Variants in KIF26B observed in about 807,000 individuals in gnomAD.
KIF26B encodes kinesin-like protein KIF26B.
KIF26B carries 63 observed loss-of-function variants against 151.2 expected under a neutral mutation model. The ratio of observed to expected loss-of-function variants is 0.42; its 90% CI spans 0.34 to 0.51. The LOEUF (loss-of-function observed/expected upper bound fraction) is 0.51, where lower values mean the gene tolerates loss of function less well. Ranked by LOEUF, KIF26B falls within the 20% of genes least tolerant of loss-of-function variation. The probability of loss-of-function intolerance (pLI) is 0.07; values close to 1 mark genes in which losing one functional copy is unlikely to be tolerated. For missense variants in KIF26B, 2,813 were observed against 2,913.6 expected (o/e 0.97, Z 0.79); for synonymous variants, 1,357 against 1,262.1 (o/e 1.08, Z -1.59).
intron 10 of KIF26B, among the ~76,000 whole-genome samples, chr1:245,674,700 C>T (rs1337528562): frequency 6.6e-6 from 1 of 152,172 alleles, no homozygotes; most frequent in Non-Finnish European, 1.5e-5. Flanking sequence ...GGATTTTCTC[C>T]TTTCTGACCT....
At chr1:245,314,630 C>T (rs1018914494) in intron 2 of KIF26B, among the ~76,000 whole-genome samples, 2 of 152,104 alleles carry the variant, frequency 1.3e-5, no homozygotes, top group African/African-American at 4.8e-5. Context: ...CTGGCTCACC[C>T]TCACCTCTGT....
At chr1:245,403,537 G>A (rs1674057779) in intron 3 of KIF26B, among the ~76,000 whole-genome samples, 1 of 152,120 alleles carries the variant, frequency 6.6e-6, no homozygotes, top group East Asian at 1.9e-4. Context: ...GAGCAGTTCT[G>A]GGGTGTGTGT....
intron 2 of KIF26B, among the ~76,000 whole-genome samples, chr1:245,338,984 G>GGTTTT (rs1553348303): frequency 1.4e-5 from 2 of 140,960 alleles, no homozygotes; most frequent in Non-Finnish European, 1.6e-5. Context: ...TGCTTTTAGG[G>GGTTTT]TTTTTTTTTT....
chr1:245,452,614 A>T (rs181820610), intron 4 of KIF26B, among the ~76,000 whole-genome samples: 321 of 152,034 alleles, frequency 2.1e-3, no homozygotes, highest in African/African-American at 6.5e-3. Context: ...CCTTTTTTTT[A>T]AAAAAAGAAA....
chr1:245,272,996 T>C (rs762028060), intron 2 of KIF26B, among the ~76,000 whole-genome samples: 6 of 152,206 alleles, frequency 3.9e-5, no homozygotes, highest in African/African-American at 7.2e-5. Flanking sequence ...ATTCTGCTGC[T>C]TTTGGGTGAA....
chr1:245,388,494 T>TA (rs1279561324), intron 3 of KIF26B, among the ~76,000 whole-genome samples: 2 of 152,230 alleles, frequency 1.3e-5, no homozygotes, highest in Non-Finnish European at 2.9e-5. Flanking sequence ...TGTTAGCATT[T>TA]AAAACTGCCA....
At chr1:245,186,218 C>T (rs1265652626) in intron 2 of KIF26B, among the ~76,000 whole-genome samples, 1 of 151,836 alleles carries the variant, frequency 6.6e-6, no homozygotes, top group Non-Finnish European at 1.5e-5. Flanking sequence ...CGCTAATTTT[C>T]CAAATAACAG....
chr1:245,197,588 G>T lies in KIF26B; in HGVS notation c.465+40905G>T, dbSNP rs56161836. 7.2e-5 allele frequency among the ~76,000 whole-genome samples: 11 copies of T among 152,152 alleles called. No homozygotes were observed. In the South Asian group the frequency reaches 2.3e-3, roughly 32 times the overall value. ...TCATTAGGAAGATTTGAGAAGCAGG[G>T]TCAAGCAATGGAGAAAAGGTATATA... On this transcript the variant is annotated intron_variant, in intron 2 of 14. Coordinates refer to ENST00000407071, the MANE Select transcript of KIF26B (RefSeq NM_018012.4).
At chr1:245,473,282 T>G (rs1659953221) in intron 4 of KIF26B, among the ~76,000 whole-genome samples, 1 of 152,230 alleles carries the variant, frequency 6.6e-6, no homozygotes, top group Non-Finnish European at 1.5e-5. Context: ...TTTCGTGATG[T>G]GTCTTTTATA....
chr1:245,223,967 C>A (rs1669824378), intron 2 of KIF26B, among the ~76,000 whole-genome samples: 1 of 152,116 alleles, frequency 6.6e-6, no homozygotes, highest in African/African-American at 2.4e-5. Context: ...TAAATCTCAG[C>A]CCCTGAATAC....
Position 245,609,408 on chromosome 1 carries a change from GGAAGT to G in KIF26B, c.1796_1800del (p.Glu599ValfsTer31). 6.2e-7 allele frequency: 1 copy of G among 1,609,258 alleles called. No individual in the cohort carries two copies. The highest frequency in any genetic ancestry group is 8.5e-7 in the Non-Finnish European group (1 of 1,177,896). ...GTTTCTCAGTCCGGGTTTCCGCCGT[GGAAGT>G]GTGGGGGAAGGAGGAGAACCTGCGG... On this transcript the variant is annotated frameshift_variant, in exon 8 of 15. Transcript: ENST00000407071. LOFTEE classifies it high-confidence loss of function.
At chr1:245,364,642 G>A (rs933880977) in intron 2 of KIF26B, among the ~76,000 whole-genome samples, 1 of 151,838 alleles carries the variant, frequency 6.6e-6, no homozygotes, top group South Asian at 2.1e-4. Context: ...GGATGGTCTC[G>A]ATCTCCTGAC....
intron 4 of KIF26B, among the ~76,000 whole-genome samples, chr1:245,476,045 G>A (rs1660031435): frequency 6.6e-6 from 1 of 151,884 alleles, no homozygotes; most frequent in Admixed American, 6.6e-5. Context: ...ACAATGTGGT[G>A]TATTTGCACA....
chr1:245,190,348 C>G (rs770881594), intron 2 of KIF26B, among the ~76,000 whole-genome samples: 1 of 152,098 alleles, frequency 6.6e-6, no homozygotes, highest in Non-Finnish European at 1.5e-5. Flanking sequence ...TTGCCTAGGT[C>G]TTATCAGAAC....
At chr1:245,294,259 C>A (rs980654056) in intron 2 of KIF26B, among the ~76,000 whole-genome samples, 1 of 152,146 alleles carries the variant, frequency 6.6e-6, no homozygotes, top group African/African-American at 2.4e-5. Context: ...GTGAGAGGAT[C>A]TGTGGTAAGT....
intron 2 of KIF26B, among the ~76,000 whole-genome samples, chr1:245,216,839 G>A (rs937419432): frequency 2.6e-5 from 4 of 152,196 alleles, no homozygotes; most frequent in East Asian, 1.9e-4. Context: ...GGAGGACCAC[G>A]TTCCTGCCTC....
intron 2 of KIF26B, among the ~76,000 whole-genome samples, chr1:245,176,000 A>G (rs1476809830): frequency 6.7e-6 from 1 of 149,410 alleles, no homozygotes; most frequent in Non-Finnish European, 1.5e-5. Context: ...ATAGATATAT[A>G]GATATAGATA....
chr1:245,237,128 T>A (rs1670125362), intron 2 of KIF26B, among the ~76,000 whole-genome samples: 1 of 152,154 alleles, frequency 6.6e-6, no homozygotes, highest in Non-Finnish European at 1.5e-5. Context: ...TGTCCTCTGC[T>A]CCCTCTTTCT....
rs1041326410 is a variant in KIF26B at position 245,218,471 on chromosome 1, G to A, written c.465+61788G>A. Among the ~76,000 whole-genome samples the A allele has an allele frequency of 6.6e-6, 1 of 152,198 alleles. No homozygotes were observed. Among genetic ancestry groups the A allele is most frequent in the Non-Finnish European group, 1.5e-5 (1 of 68,032 alleles). On this transcript the variant is annotated intron_variant, in intron 2 of 14. Transcript: ENST00000407071. This position sits in a 1 kb window ranked among gnomAD's most constrained non-coding sequence, Gnocchi z 4.1. ...ATAAAAGAAGAGCAGAGGAGGGTGA[G>A]TGAGGAAAAAGCAGGAGGGTATTGG...
Sources: allele counts gnomAD v4.1 joint callset (sites outside exome capture counted in the v4.1 genomes callset), GRCh38; gene constraint gnomAD v4.1.1; non-coding constraint Gnocchi (gnomAD v3.1); transcripts MANE v1.5; gene names NCBI Gene and HGNC (gene_info 2026-07-23, HGNC 2026-07-21).